The following INSR variants were observed in gnomAD, a reference collection of about 807,000 sequenced individuals.
The protein encoded by INSR is IR.
Under a neutral mutation model 142.6 loss-of-function variants are expected in INSR, and 67 were observed. The observed-to-expected ratio is 0.47, with a 90% CI of 0.39 to 0.58. The LOEUF is 0.58. INSR is among the 20% of genes least tolerant of loss of function. The pLI is 0.00. For missense variants in INSR, 1,248 were observed against 1,833.2 expected (o/e 0.68, Z 5.83); for synonymous variants, 756 against 743.1 (o/e 1.02, Z -0.28).
intron 9 of INSR, among the ~76,000 whole-genome samples, chr19:7,158,276 A>G (rs528862282): frequency 3.2e-4 from 48 of 152,048 alleles, no homozygotes; most frequent in Middle Eastern, 3.4e-3. Flanking sequence ...CAAGGTGGGC[A>G]GATCACGAGG....
At chr19:7,272,711 GC>G (rs1233422790) in intron 1 of INSR, among the ~76,000 whole-genome samples, 2 of 152,106 alleles carry the variant, frequency 1.3e-5, no homozygotes, top group African/African-American at 4.8e-5. Flanking sequence ...CTCCAGTATA[GC>G]TGGAACCACA....
At chr19:7,170,849 C>T (rs189048441) in intron 5 of INSR, 98 bp from the exon 6 acceptor site, 71 of 918,340 alleles carry the variant, frequency 7.7e-5, no homozygotes, top group Admixed American at 8.5e-5. Context: ...TTCAGTGCTA[C>T]GTGCCTAATC....
chr19:7,133,914 T>G (rs1306054624), intron 13 of INSR, among the ~76,000 whole-genome samples: 1 of 151,170 alleles, frequency 6.6e-6, no homozygotes, highest in African/African-American at 2.4e-5. Flanking sequence ...AGCTCACAAA[T>G]CATTAGAAAT....
At chr19:7,270,335 T>TCACACA (rs1277505424) in intron 1 of INSR, among the ~76,000 whole-genome samples, 5,964 of 81,944 alleles carry the variant, frequency 0.073, 160 homozygotes, top group Non-Finnish European at 0.11. Flanking sequence ...TCTCTCTCTC[T>TCACACA]CTCTCACACA....
rs528584294 is a variant in INSR at position 7,197,355 on chromosome 19, A to G, written c.653-12718T>C. On this transcript the variant is annotated intron_variant, in intron 2 of 21. Coordinates refer to ENST00000302850, the MANE Select transcript of INSR (RefSeq NM_000208.4). ...GAGTGAGTAAGCGAGTGAGTGAGTG[A>G]GTGGGGAGGGAGTGAGTCCGTCCAC... 3.1e-3 allele frequency among the ~76,000 whole-genome samples: 471 copies of G among 152,312 alleles called. 2 individuals carry two copies. The highest frequency in any genetic ancestry group is 0.011 in the African/African-American group (451 of 41,570).
chr19:7,174,796 C>T, intron 3 of INSR, 65 bp from the exon 4 acceptor site: 6 of 1,501,092 alleles, frequency 4.0e-6, no homozygotes, highest in Non-Finnish European at 2.7e-6. Context: ...ATCCAAGGTC[C>T]TTCAGACATC....
intron 2 of INSR, among the ~76,000 whole-genome samples, chr19:7,185,866 G>A (rs368043026): frequency 6.7e-3 from 402 of 60,306 alleles, no homozygotes; most frequent in African/African-American, 0.014. Flanking sequence ...AAAAGAGAGA[G>A]AGAGACAAAG....
At position 7,289,709 on chromosome 19, in the gene INSR, G is replaced by T. The variant is rs188835539; in HGVS notation, c.100+4083C>A. ...GCGTGAGCCACTGCACCCGGCCGAG[G>T]ATTATTGAACAAAGAGAGGAGAAAG... On this transcript the variant is annotated intron_variant, in intron 1 of 21. Coordinates refer to ENST00000302850, the MANE Select transcript of INSR (RefSeq NM_000208.4). Among the ~76,000 whole-genome samples the T allele has an allele frequency of 1.3e-3, 199 of 152,124 alleles. 1 individual carries two copies. The highest frequency in any genetic ancestry group is 4.6e-3 in the African/African-American group (193 of 41,524).
In INSR at chr19:7,293,815, G is replaced by A; in HGVS notation, c.77C>T (p.Ala26Val). ...VAVAALLLGA[A>V]GHLYPGEVCP... The stretch of plus-strand genomic sequence containing the variant: ...ACCCTCTCCGGGGTACAGGTGGCCC[G>A]CGGCGCCCAGTAGCAGCGCGGCCAC... The change falls in exon 1 of 22, where the codon GCG becomes GTG. Residue 26 changes from alanine (A) to valine (V), a missense_variant. Physicochemically the swap from Ala to Val is moderately conservative, Grantham distance 64 (BLOSUM62 0). Coordinates refer to ENST00000302850, the MANE Select transcript of INSR (RefSeq NM_000208.4). 7.4e-7 allele frequency: 1 copy of A among 1,353,746 alleles called. No individual in the cohort carries two copies. Among genetic ancestry groups the A allele is most frequent in the South Asian group, 1.8e-5 (1 of 54,340 alleles). The allele number at this position is 1,353,746 out of a possible 1,614,324, so 83.9% of individuals were successfully genotyped here.
At position 7,150,174 on chromosome 19, in the gene INSR, AT is replaced by A. The variant is rs1973300578; in HGVS notation, c.2267+322del. Reference sequence around the variant, plus strand: ...CGGGGACCCCCACCCACCTCTGCAAATGCACGCGGGAGGTGCAGAGATGTTT... The same window carrying A: ...CGGGGACCCCCACCCACCTCTGCAAAGCACGCGGGAGGTGCAGAGATGTTT... On this transcript the variant is annotated intron_variant, in intron 11 of 21. Transcript: ENST00000302850. The surrounding 1 kb of genome is among the most constrained non-coding windows in gnomAD (Gnocchi z 4.2). Among the ~76,000 whole-genome samples the A allele has an allele frequency of 1.3e-5, 2 of 152,004 alleles. No homozygotes were observed. The highest frequency in any genetic ancestry group is 6.6e-5 in the Admixed American group (1 of 15,264).
chr19:7,196,599 G>A lies in INSR; in HGVS notation c.653-11962C>T, dbSNP rs1311406610. ...TCCCTTTTAAAGTTCAAATTAGTTT[G>A]GGTTTTTCTTAATTAAGAAGGTATG... On this transcript the variant is annotated intron_variant, in intron 2 of 21. Coordinates refer to ENST00000302850, the MANE Select transcript of INSR (RefSeq NM_000208.4). Among the ~76,000 whole-genome samples, 4 of 151,994 alleles carry A rather than the reference G, an allele frequency of 2.6e-5. 1 individual carries two copies. The highest frequency in any genetic ancestry group is 6.6e-5 in the Admixed American group (1 of 15,252).
intron 1 of INSR, among the ~76,000 whole-genome samples, chr19:7,284,093 C>T (rs1450906253): frequency 6.6e-6 from 1 of 151,948 alleles, no homozygotes. Flanking sequence ...GAGACAGGGT[C>T]TCACTCTGTT....
chr19:7,148,825 C>A (rs1000736930), intron 11 of INSR, among the ~76,000 whole-genome samples: 4 of 151,480 alleles, frequency 2.6e-5, no homozygotes, highest in African/African-American at 9.7e-5. Context: ...GACGGAGTCT[C>A]GCTCTGTGGC....
Position 7,182,179 on chromosome 19 carries a change from A to T in INSR, c.974+2137T>A, listed in dbSNP as rs1212983291. The stretch of plus-strand genomic sequence containing the variant: ...AAACCCGGTCTCTACTAAAAATACA[A>T]GAAAAATTTAGCTGGGTATGGTGAC... On this transcript the variant is annotated intron_variant, in intron 3 of 21. Coordinates refer to ENST00000302850, the MANE Select transcript of INSR (RefSeq NM_000208.4). 2.0e-5 allele frequency among the ~76,000 whole-genome samples: 3 copies of T among 151,976 alleles called. No homozygotes were observed. In the East Asian group the frequency reaches 5.8e-4, roughly 30 times the overall value.
chr19:7,128,696 A>G (rs1972704035), intron 15 of INSR, among the ~76,000 whole-genome samples, 156 bp downstream of exon 15: 1 of 152,192 alleles, frequency 6.6e-6, no homozygotes, highest in Non-Finnish European at 1.5e-5. Flanking sequence ...AGAGTTGTGT[A>G]TATCATATTA....
At position 7,267,947 on chromosome 19, in the gene INSR, G is replaced by A. The variant is rs371794735; in HGVS notation, c.101-51C>T. 4.7e-6 allele frequency: 7 copies of A among 1,475,742 alleles called. No homozygotes were observed. Among genetic ancestry groups the A allele is most frequent in the Non-Finnish European group, 6.6e-6 (7 of 1,065,714 alleles). The allele number at this position is 1,475,742 out of a possible 1,614,324, so 91.4% of individuals were successfully genotyped here. A position where few individuals can be genotyped will look rare whatever the true frequency, so the allele number is the denominator to read the frequency against. On this transcript the variant is annotated intron_variant, in intron 1 of 21. Transcript: ENST00000302850. The surrounding 1 kb of genome is among the most constrained non-coding windows in gnomAD (Gnocchi z 6.3). ...AAGACAGGTGAGCAGACGCACGGTGGATGCATCAGAAGGATCAGGGGCAGA... is the reference window on the plus strand; with the variant it reads ...AAGACAGGTGAGCAGACGCACGGTGAATGCATCAGAAGGATCAGGGGCAGA...
chr19:7,185,317 T>C (rs4804366), intron 2 of INSR, among the ~76,000 whole-genome samples: 24,113 of 152,216 alleles, frequency 0.16, 2,796 homozygotes, highest in African/African-American at 0.33. Context: ...AGCATGCTGC[T>C]GCACCCCACA....
At position 7,143,063 on chromosome 19, in the gene INSR, G is replaced by A. The variant is rs142654992; in HGVS notation, c.2295C>T (p.Gly765=). The A allele has an allele frequency of 7.9e-4, 1,278 of 1,614,158 alleles. 2 individuals carry two copies. The highest frequency in any genetic ancestry group is 2.8e-3 in the South Asian group (259 of 91,082). Residue 765 remains glycine, a synonymous_variant, in exon 12 of 22, where the codon GGC becomes GGT. Transcript: ENST00000302850. ...CGGCCACCGTCACATTCCCAACATC[G>A]CCAAGGGACCTGCGTTTCCGAGATG... ...PRPSRKRRSL[G]DVGNVTVAVP...
At chr19:7,204,879 G>C (rs1407226090) in intron 2 of INSR, among the ~76,000 whole-genome samples, 1 of 152,170 alleles carries the variant, frequency 6.6e-6, no homozygotes, top group African/African-American at 2.4e-5. Flanking sequence ...TCAGGAACTC[G>C]AGACCAGCCT....
Sources: gnomAD v4.1 joint callset for allele counts (sites outside exome capture counted in the v4.1 genomes callset) on GRCh38, gnomAD v4.1.1 for gene constraint, Gnocchi (gnomAD v3.1) non-coding constraint, MANE v1.5 for transcripts, NCBI Gene and HGNC (gene_info 2026-07-23, HGNC 2026-07-21) for gene names.